MCTP2: variants seen among roughly 807,000 people sequenced by gnomAD.
The protein encoded by MCTP2 is multiple C2 and transmembrane domain containing 2, also known as multiple C2 and transmembrane domain-containing protein 2.
In MCTP2, 132 loss-of-function variants were observed where a neutral mutation model predicts 111.6. The ratio of observed to expected loss-of-function variants is 1.18; its 90% CI spans 1.03 to 1.37. The LOEUF (loss-of-function observed/expected upper bound fraction) is 1.37, where lower values mean the gene tolerates loss of function less well. MCTP2 is among the 40% of genes most tolerant of loss of function. The pLI is 0.00. For synonymous variants in MCTP2, 395 were observed against 387.7 expected (o/e 1.02, Z -0.22); for missense variants, 1,183 against 1,067.9 (o/e 1.11, Z -1.50).
chr15:94,318,349 T>C (rs1289699436), intron 4 of MCTP2, among the ~76,000 whole-genome samples: 1 of 149,430 alleles, frequency 6.7e-6, no homozygotes, highest in Non-Finnish European at 1.5e-5. Context: ...AGTGGCACAA[T>C]CTTAGCTCAC....
intron 4 of MCTP2, among the ~76,000 whole-genome samples, chr15:94,333,329 T>A (rs2077212754): frequency 6.6e-6 from 1 of 152,242 alleles, no homozygotes; most frequent in Admixed American, 6.5e-5. Context: ...TTGTGATAAG[T>A]GTACATTTAA....
chr15:94,428,720 C>A (rs548605433), intron 17 of MCTP2, among the ~76,000 whole-genome samples: 2 of 152,152 alleles, frequency 1.3e-5, no homozygotes, highest in African/African-American at 2.4e-5. Context: ...TCAATAATTT[C>A]TTTGGAATTA....
chr15:94,241,096 A>C (rs1240466357), intron 1 of MCTP2, among the ~76,000 whole-genome samples: 2 of 151,694 alleles, frequency 1.3e-5, no homozygotes, highest in Non-Finnish European at 2.9e-5. Context: ...TGAATACTCC[A>C]CTTATCCCCA....
chr15:94,381,499 G>A lies in MCTP2; in HGVS notation c.1583-2523G>A, dbSNP rs1008921546. 9.2e-5 allele frequency among the ~76,000 whole-genome samples: 14 copies of A among 152,266 alleles called. No individual in the cohort carries two copies. The East Asian group carries it at 2.5e-3, about 27-fold the overall frequency. On this transcript the variant is annotated intron_variant, in intron 12 of 22. Coordinates refer to ENST00000357742, the MANE Select transcript of MCTP2 (RefSeq NM_001385001.1). ...TAAGAGCGTGCTTGCTTGAGAGAGCGGGAGCCACAGAACGAGCCCACCTGT... is the reference window on the plus strand; with the variant it reads ...TAAGAGCGTGCTTGCTTGAGAGAGCAGGAGCCACAGAACGAGCCCACCTGT...
Position 94,298,598 on chromosome 15 carries a change from T to C in MCTP2, c.333T>C (p.Ser111=), listed in dbSNP as rs778321726. Residue 111 remains serine (S), a synonymous_variant, in exon 2 of 23, where the codon AGT becomes AGC. Coordinates refer to ENST00000357742, the MANE Select transcript of MCTP2 (RefSeq NM_001385001.1). ...EELDWSQEEA[S]HLHVVETDSE... ...TGGATTGGAGCCAGGAAGAAGCCAG[T>C]CACCTCCATGTGGTGGAAACAGACT... 4 of 1,614,082 alleles carry C rather than the reference T, an allele frequency of 2.5e-6. No homozygotes were observed. In the Admixed American group the frequency reaches 6.7e-5, roughly 27 times the overall value.
chr15:94,474,514 G>A (rs879211849), intron 21 of MCTP2, among the ~76,000 whole-genome samples: 5 of 152,284 alleles, frequency 3.3e-5, no homozygotes, highest in East Asian at 3.9e-4. Flanking sequence ...AAGCCAGAAC[G>A]GGGGCCCAGG....
rs4001978 is a variant in MCTP2, at chr15:94,464,257, T to TATA, written c.2360+6011_2360+6012insATA. Among the ~76,000 whole-genome samples the TATA allele has an allele frequency of 2.6e-3, 115 of 44,936 alleles. 1 individual carries two copies. The highest frequency in any genetic ancestry group is 6.6e-3 in the African/African-American group (110 of 16,676). 29.5% of individuals were successfully genotyped at this position (44,936 alleles called of 152,430 possible). ...TATATATAATATATATATATATATA[T>TATA]TATATATATATATATATATATAAAC... On this transcript the variant is annotated intron_variant, in intron 20 of 22. Coordinates refer to ENST00000357742, the MANE Select transcript of MCTP2 (RefSeq NM_001385001.1).
chr15:94,411,841 A>G (rs1596626153), intron 17 of MCTP2, among the ~76,000 whole-genome samples: 2 of 152,138 alleles, frequency 1.3e-5, no homozygotes, highest in African/African-American at 4.8e-5. Flanking sequence ...TGACTGTTCT[A>G]GTCTCCCTGG....
intron 2 of MCTP2, among the ~76,000 whole-genome samples, chr15:94,301,024 A>G (rs28474953): frequency 4.0e-4 from 61 of 152,300 alleles, no homozygotes; most frequent in African/African-American, 1.3e-3. Context: ...CTAAATGCAG[A>G]AAGCTTAGAA....
intron 1 of MCTP2, among the ~76,000 whole-genome samples, chr15:94,287,225 C>T (rs114516035): frequency 1.5e-3 from 183 of 120,778 alleles, no homozygotes; most frequent in African/African-American, 5.2e-3. Context: ...GCGTACATTA[C>T]GTACTTTAAG....
intron 8 of MCTP2, among the ~76,000 whole-genome samples, chr15:94,346,940 T>C (rs192213205): frequency 6.6e-6 from 1 of 152,274 alleles, no homozygotes; most frequent in East Asian, 1.9e-4. Flanking sequence ...TGGTAGTTTC[T>C]CGAATTTGAC....
intron 16 of MCTP2, among the ~76,000 whole-genome samples, chr15:94,401,353 G>T (rs1388444557): frequency 6.6e-6 from 1 of 152,106 alleles, no homozygotes; most frequent in Non-Finnish European, 1.5e-5. Context: ...ACCCTATTTT[G>T]TAAAAGAGAA....
At chr15:94,328,714 C>G (rs1224111863) in intron 4 of MCTP2, among the ~76,000 whole-genome samples, 1 of 152,092 alleles carries the variant, frequency 6.6e-6, no homozygotes, top group Admixed American at 6.5e-5. Flanking sequence ...TAACAAATTG[C>G]CTTGAATCTC....
chr15:94,324,359 T>C (rs1274670512), intron 4 of MCTP2, among the ~76,000 whole-genome samples: 1 of 152,238 alleles, frequency 6.6e-6, no homozygotes, highest in African/African-American at 2.4e-5. Flanking sequence ...TAGGCCGCTG[T>C]AGTAGTTTAC....
intron 10 of MCTP2, among the ~76,000 whole-genome samples, chr15:94,364,920 A>G (rs2079109985): frequency 6.6e-6 from 1 of 152,204 alleles, no homozygotes; most frequent in Non-Finnish European, 1.5e-5. Flanking sequence ...TGTATGAAAT[A>G]CATTTTTTCT....
chr15:94,385,542 A>G lies in MCTP2; in HGVS notation c.1788+17A>G, dbSNP rs761609560. ...TTGCTGTCCGTAAGTTTCCTTTATTAATAAACAATTTGTGAGTCATTTTAT... is the reference window on the plus strand; with the variant it reads ...TTGCTGTCCGTAAGTTTCCTTTATTGATAAACAATTTGTGAGTCATTTTAT... On this transcript the variant is annotated intron_variant, in intron 14 of 22. Transcript: ENST00000357742. 5 of 1,535,892 alleles carry G rather than the reference A, an allele frequency of 3.3e-6. No homozygotes were observed. Among genetic ancestry groups the G allele is most frequent in the Non-Finnish European group, 3.6e-6 (4 of 1,109,512 alleles).
At chr15:94,254,502 C>A (rs1033929900) in intron 1 of MCTP2, among the ~76,000 whole-genome samples, 2 of 152,166 alleles carry the variant, frequency 1.3e-5, no homozygotes, top group African/African-American at 4.8e-5. Flanking sequence ...TTAGAAAACT[C>A]ATGGACAAGA....
At chr15:94,355,049 A>C (rs146139180) in intron 8 of MCTP2, among the ~76,000 whole-genome samples, 1 of 152,292 alleles carries the variant, frequency 6.6e-6, no homozygotes, top group African/African-American at 2.4e-5. Flanking sequence ...ACGTAAATGA[A>C]CTCTGCTAAC....
chr15:94,452,144 T>C (rs914371975), intron 19 of MCTP2, among the ~76,000 whole-genome samples: 1 of 152,190 alleles, frequency 6.6e-6, no homozygotes, highest in Non-Finnish European at 1.5e-5. Context: ...ATCATTTAAC[T>C]TCCCTGGACT....
Sources: gnomAD v4.1 joint callset for allele counts (sites outside exome capture counted in the v4.1 genomes callset) on GRCh38, gnomAD v4.1.1 for gene constraint, MANE v1.5 for transcripts, NCBI Gene and HGNC (gene_info 2026-07-23, HGNC 2026-07-21) for gene names.